The following SPOPL variants were observed in gnomAD, a reference collection of about 807,000 sequenced individuals.
SPOPL encodes the protein speckle-type POZ protein-like.
Under a neutral mutation model 53.8 loss-of-function variants are expected in SPOPL, and 23 were observed. The observed-to-expected ratio is 0.43, with a 90% CI of 0.31 to 0.61. The LOEUF is 0.61. SPOPL is among the 20% of genes least tolerant of loss of function. SPOPL has a pLI of 0.12. For synonymous variants in SPOPL, 164 were observed against 149.7 expected (o/e 1.10, Z -0.70); for missense variants, 442 against 466.9 (o/e 0.95, Z 0.49).
chr2:138,537,620 C>T (rs1684966135), intron 1 of SPOPL, among the ~76,000 whole-genome samples: 1 of 152,138 alleles, frequency 6.6e-6, no homozygotes, highest in Admixed American at 6.5e-5. Context: ...CCCTTAGAGG[C>T]AGGATGAGAA....
intron 3 of SPOPL, 70 bp from the exon 4 acceptor site, chr2:138,550,833 C>T: frequency 6.6e-7 from 1 of 1,507,510 alleles, no homozygotes; most frequent in Non-Finnish European, 8.9e-7. Flanking sequence ...CTCTTTCTCT[C>T]TCTCTCTCTC....
At chr2:138,542,409 C>G (rs1236049437) in intron 1 of SPOPL, among the ~76,000 whole-genome samples, 1 of 152,164 alleles carries the variant, frequency 6.6e-6, no homozygotes, top group African/African-American at 2.4e-5. Context: ...CTTTATGAAT[C>G]TGGGTGCTCC....
chr2:138,553,260 C>T (rs1685353171), intron 5 of SPOPL, among the ~76,000 whole-genome samples: 1 of 152,054 alleles, frequency 6.6e-6, no homozygotes, highest in African/African-American at 2.4e-5. Context: ...CTAGCATTGC[C>T]TCTGCCAATA....
At position 138,571,493 on chromosome 2, in the gene SPOPL, A is replaced by G. The variant is rs1044603291; in HGVS notation, c.*2413A>G. On this transcript the variant is annotated 3_prime_UTR_variant, in exon 11 of 11. Transcript: ENST00000280098. ...TAGAAATGTCCACTTTTCAGATAAT[A>G]TAATGCCTACCATTATACTAACAGA... The G allele has an allele frequency of 3.9e-5, 6 of 152,708 alleles. No homozygotes were observed. Among genetic ancestry groups the G allele is most frequent in the Middle Eastern group, 3.4e-3 (1 of 294 alleles). The allele number at this position is 152,708 out of a possible 1,614,324, so 9.5% of individuals were successfully genotyped here.
chr2:138,516,490 C>T (rs1403312402), intron 1 of SPOPL, among the ~76,000 whole-genome samples: 3 of 152,130 alleles, frequency 2.0e-5, no homozygotes, highest in African/African-American at 7.2e-5. Context: ...GAAAAGATTG[C>T]TATAATGTTA....
At chr2:138,565,043 T>G (rs753985323) in intron 10 of SPOPL, 50 bp downstream of exon 10, 32 of 1,601,742 alleles carry the variant, frequency 2.0e-5, no homozygotes, top group Non-Finnish European at 2.6e-5. Context: ...TAAGTGAGAT[T>G]AAGTGTTTGC....
At chr2:138,552,724 T>A (rs1685340362) in intron 5 of SPOPL, 43 bp downstream of exon 5, 1 of 1,584,480 alleles carries the variant, frequency 6.3e-7, no homozygotes, top group African/African-American at 1.4e-5. Context: ...GTTTATTTAG[T>A]GATATGGCAA....
chr2:138,524,639 C>T (rs1004906262), intron 1 of SPOPL, among the ~76,000 whole-genome samples: 1 of 152,208 alleles, frequency 6.6e-6, no homozygotes, highest in South Asian at 2.1e-4. Context: ...TACCCTAAGT[C>T]ATCTCTCTCA....
At chr2:138,554,352 A>C in intron 5 of SPOPL, 1 of 657,496 alleles carries the variant, frequency 1.5e-6, no homozygotes, top group Non-Finnish European at 2.1e-6. Context: ...TATTTAGCAT[A>C]GGTGGGCAAA....
At chr2:138,513,188 C>G (rs1231445924) in intron 1 of SPOPL, among the ~76,000 whole-genome samples, 1 of 152,202 alleles carries the variant, frequency 6.6e-6, no homozygotes, top group Non-Finnish European at 1.5e-5. Flanking sequence ...GAGGCCAAGG[C>G]AGGAGGATTG....
In SPOPL at chr2:138,501,915, G is replaced by C. The variant is rs1039615123; in HGVS notation, c.-265G>C. On this transcript the variant is annotated 5_prime_UTR_variant, in exon 1 of 11. Coordinates refer to ENST00000280098, the MANE Select transcript of SPOPL (RefSeq NM_001001664.3). ...TGGCGGCGGGTTTGTTTATCCCGGG[G>C]AAGAAGTTTAGGAGCGGGAGATAGG... 1 of 152,462 alleles carries C rather than the reference G, an allele frequency of 6.6e-6. No homozygotes were observed. The highest frequency in any genetic ancestry group is 1.5e-5 in the Non-Finnish European group (1 of 68,192). 9.4% of individuals were successfully genotyped at this position (152,462 alleles called of 1,614,324 possible). A position where few individuals can be genotyped will look rare whatever the true frequency, so the allele number is the denominator to read the frequency against.
intron 1 of SPOPL, among the ~76,000 whole-genome samples, chr2:138,505,253 A>T: frequency 6.6e-6 from 1 of 152,218 alleles, no homozygotes; most frequent in South Asian, 2.1e-4. Context: ...GTACTTCATC[A>T]AAAGTCTTAT....
At chr2:138,505,660 G>T (rs1480739112) in intron 1 of SPOPL, among the ~76,000 whole-genome samples, 1 of 149,674 alleles carries the variant, frequency 6.7e-6, no homozygotes, top group African/African-American at 2.5e-5. Context: ...CTGTAGTCCC[G>T]GCTACTTGGG....
intron 1 of SPOPL, among the ~76,000 whole-genome samples, chr2:138,505,039 TA>T (rs1251943545): frequency 9.2e-5 from 14 of 152,148 alleles, no homozygotes; most frequent in Admixed American, 8.5e-4. Context: ...AGTTCTCATC[TA>T]TTACTCTTTT....
chr2:138,543,604 C>T (rs1212530508), intron 1 of SPOPL, among the ~76,000 whole-genome samples: 3 of 152,140 alleles, frequency 2.0e-5, no homozygotes, highest in African/African-American at 7.2e-5. Flanking sequence ...TTAAGGACTT[C>T]TCTGCATTGG....
chr2:138,570,511 C>T lies in SPOPL; in HGVS notation c.*1431C>T, dbSNP rs140351224. 1 of 152,260 alleles carries T rather than the reference C, an allele frequency of 6.6e-6. No individual in the cohort carries two copies. The highest frequency in any genetic ancestry group is 1.5e-5 in the Non-Finnish European group (1 of 68,024). 9.4% of individuals were successfully genotyped at this position (152,260 alleles called of 1,614,324 possible). The stretch of plus-strand genomic sequence containing the variant: ...GTGCATTGTCCTGGAGAAGCAGAAG[C>T]AGTCAGTGTTGGGGTACCACATCTG... On this transcript the variant is annotated 3_prime_UTR_variant, in exon 11 of 11. Transcript: ENST00000280098.
chr2:138,542,409 C>T (rs1236049437), intron 1 of SPOPL, among the ~76,000 whole-genome samples: 2 of 152,164 alleles, frequency 1.3e-5, no homozygotes, highest in African/African-American at 4.8e-5. Flanking sequence ...CTTTATGAAT[C>T]TGGGTGCTCC....
chr2:138,512,132 A>G (rs1684336916), intron 1 of SPOPL, among the ~76,000 whole-genome samples: 1 of 152,230 alleles, frequency 6.6e-6, no homozygotes, highest in Non-Finnish European at 1.5e-5. Context: ...GAGCCTTATC[A>G]AATGGTTCAT....
intron 1 of SPOPL, among the ~76,000 whole-genome samples, chr2:138,518,906 C>T (rs906030440): frequency 3.9e-5 from 6 of 152,170 alleles, no homozygotes; most frequent in African/African-American, 1.4e-4. Context: ...TGTAAACAAG[C>T]TCTATCTTTG....
Sources: allele counts gnomAD v4.1 joint callset (sites outside exome capture counted in the v4.1 genomes callset), GRCh38; gene constraint gnomAD v4.1.1; transcripts MANE v1.5; gene names NCBI Gene and HGNC (gene_info 2026-07-23, HGNC 2026-07-21).